MSRA: variants seen among roughly 807,000 people sequenced by gnomAD.
MSRA encodes mitochondrial peptide methionine sulfoxide reductase.
In MSRA, 54 loss-of-function variants were observed where a neutral mutation model predicts 31.3. The ratio of observed to expected loss-of-function variants is 1.73; its 90% CI spans 1.39 to 2.17. The LOEUF is 2.17. Ranked by LOEUF, MSRA falls within the 30% of genes most tolerant of loss-of-function variation. The pLI, the probability that MSRA is intolerant of heterozygous loss-of-function variation, is 0.00. For missense variants in MSRA, 507 were observed against 300.9 expected (o/e 1.69, Z -5.07); for synonymous variants, 169 against 116.5 (o/e 1.45, Z -2.90).
intron 1 of MSRA, among the ~76,000 whole-genome samples, chr8:10,063,165 C>G (rs1335739831): frequency 6.6e-6 from 1 of 152,184 alleles, no homozygotes; most frequent in Admixed American, 6.5e-5. Context: ...TGGCACTGCT[C>G]TCCTCTCAAA....
intron 1 of MSRA, among the ~76,000 whole-genome samples, chr8:10,184,562 C>A (rs146468150): frequency 6.6e-6 from 1 of 152,018 alleles, no homozygotes; most frequent in East Asian, 1.9e-4. Context: ...CTTCCCTGAT[C>A]GGTTTTTTTA....
chr8:10,067,677 A>G (rs1356038272), intron 1 of MSRA, among the ~76,000 whole-genome samples: 1 of 152,156 alleles, frequency 6.6e-6, no homozygotes, highest in Non-Finnish European at 1.5e-5. Flanking sequence ...CCTTCCCGGC[A>G]GTTGTTGTTA....
intron 3 of MSRA, among the ~76,000 whole-genome samples, chr8:10,287,108 C>T (rs566152386): frequency 1.8e-4 from 27 of 152,270 alleles, no homozygotes; most frequent in African/African-American, 5.5e-4. Context: ...AATTACTGAC[C>T]ATCATCAGAG....
chr8:10,418,922 C>G (rs1437460394), intron 5 of MSRA, among the ~76,000 whole-genome samples: 2 of 150,558 alleles, frequency 1.3e-5, no homozygotes, highest in South Asian at 2.1e-4. Context: ...CACGCCACTG[C>G]ACTCCAGCCT....
chr8:10,386,384 G>A (rs754926641), intron 5 of MSRA, among the ~76,000 whole-genome samples: 2 of 152,164 alleles, frequency 1.3e-5, no homozygotes, highest in Admixed American at 6.5e-5. Flanking sequence ...CAGGGGTGAT[G>A]AACAGATATA....
rs758508077 is a variant in MSRA at position 10,301,513 on chromosome 8, G to A, written c.332-21G>A. 3.8e-6 allele frequency: 6 copies of A among 1,591,938 alleles called. No individual in the cohort carries two copies. In the South Asian group the frequency reaches 5.7e-5, roughly 15 times the overall value. On this transcript the variant is annotated intron_variant, in intron 3 of 5. Coordinates refer to ENST00000317173, the MANE Select transcript of MSRA (RefSeq NM_012331.5). ...TGGATGTTGTCAGTAAATTTCGGTT[G>A]TACGTTTTGTTTTTTCCAAGAAAAA...
chr8:10,286,700 C>T (rs756355293), intron 3 of MSRA, among the ~76,000 whole-genome samples: 4 of 152,226 alleles, frequency 2.6e-5, no homozygotes, highest in African/African-American at 4.8e-5. Context: ...GGTGAGTTCT[C>T]CAAGAGCAGG....
chr8:10,125,915 C>T (rs552797404), intron 1 of MSRA, among the ~76,000 whole-genome samples: 1 of 152,232 alleles, frequency 6.6e-6, no homozygotes, highest in South Asian at 2.1e-4. Context: ...AAGACAAAAC[C>T]ACTAACTGCT....
At chr8:10,339,556 T>TA (rs71203313) in intron 5 of MSRA, among the ~76,000 whole-genome samples, 4 of 100,718 alleles carry the variant, frequency 4.0e-5, no homozygotes, top group Admixed American at 2.3e-4. Flanking sequence ...TTTTTTTTTT[T>TA]TCTGAGACGG....
intron 1 of MSRA, among the ~76,000 whole-genome samples, chr8:10,183,042 C>T (rs1806682700): frequency 6.6e-6 from 1 of 152,194 alleles, no homozygotes; most frequent in Non-Finnish European, 1.5e-5. Flanking sequence ...CCTCACCTGC[C>T]TATAACATTT....
chr8:10,102,290 A>G (rs541307236), intron 1 of MSRA, among the ~76,000 whole-genome samples: 1 of 152,314 alleles, frequency 6.6e-6, no homozygotes, highest in African/African-American at 2.4e-5. Context: ...ACTTTGTTAT[A>G]GTTCTACCAG....
At chr8:10,200,440 G>A (rs971145957) in intron 1 of MSRA, among the ~76,000 whole-genome samples, 1 of 152,176 alleles carries the variant, frequency 6.6e-6, no homozygotes, top group Non-Finnish European at 1.5e-5. Context: ...CTCACCTTCT[G>A]GGTACCCACA....
At chr8:10,259,736 G>A (rs944015612) in intron 3 of MSRA, among the ~76,000 whole-genome samples, 2 of 152,190 alleles carry the variant, frequency 1.3e-5, no homozygotes, top group Non-Finnish European at 2.9e-5. Flanking sequence ...CAGGCGTGTG[G>A]GGGAGAGATT....
At chr8:10,135,474 A>G (rs1481316209) in intron 1 of MSRA, among the ~76,000 whole-genome samples, 1 of 152,228 alleles carries the variant, frequency 6.6e-6, no homozygotes, top group Non-Finnish European at 1.5e-5. Context: ...GTTACCAACG[A>G]GTAATATTAA....
chr8:10,403,484 G>T (rs1170883661), intron 5 of MSRA, among the ~76,000 whole-genome samples: 1 of 152,252 alleles, frequency 6.6e-6, no homozygotes, highest in Non-Finnish European at 1.5e-5. Flanking sequence ...CCCTGGCTGG[G>T]ACTAGAGAGC....
In MSRA at chr8:10,220,425, A is replaced by G. The variant is rs188652207; in HGVS notation, c.211+12524A>G. 7.9e-5 allele frequency among the ~76,000 whole-genome samples: 12 copies of G among 152,322 alleles called. No individual in the cohort carries two copies. The East Asian group carries it at 1.9e-3, about 25-fold the overall frequency. On this transcript the variant is annotated intron_variant, in intron 2 of 5. Transcript: ENST00000317173. Reference sequence around the variant, plus strand: ...CATTACCATGAAGAAACTCAAAACAATCTTTCAAAAATATGCTTAGCATAA... The same window carrying G: ...CATTACCATGAAGAAACTCAAAACAGTCTTTCAAAAATATGCTTAGCATAA...
intron 3 of MSRA, among the ~76,000 whole-genome samples, chr8:10,293,292 C>G (rs1800345244): frequency 6.6e-6 from 1 of 152,172 alleles, no homozygotes; most frequent in Admixed American, 6.5e-5. Context: ...TGGGTAAGCT[C>G]ATGAGCCACT....
chr8:10,306,908 G>T (rs1801169956), intron 4 of MSRA, among the ~76,000 whole-genome samples: 1 of 152,146 alleles, frequency 6.6e-6, no homozygotes, highest in South Asian at 2.1e-4. Flanking sequence ...TATTTACTAA[G>T]CACCTCTTAG....
intron 3 of MSRA, among the ~76,000 whole-genome samples, chr8:10,278,306 C>T (rs1251464583): frequency 1.3e-5 from 2 of 152,194 alleles, no homozygotes; most frequent in Admixed American, 6.5e-5. Flanking sequence ...CATACTTGCT[C>T]TTGACCTGGT....
Sources: allele counts gnomAD v4.1 joint callset (sites outside exome capture counted in the v4.1 genomes callset), GRCh38; gene constraint gnomAD v4.1.1; transcripts MANE v1.5; gene names NCBI Gene and HGNC (gene_info 2026-07-23, HGNC 2026-07-21).